Variants in KIAA1328 observed in about 807,000 individuals in gnomAD.
KIAA1328 encodes the protein protein hinderin.
In KIAA1328, 52 loss-of-function variants were observed where a neutral mutation model predicts 68.1. That is an observed-to-expected ratio of 0.76 (90% CI 0.61 to 0.96). KIAA1328 has a LOEUF of 0.96. Among genes scored for constraint, KIAA1328 ranks in the 40% least tolerant of loss-of-function variants. The pLI, the probability that KIAA1328 is intolerant of heterozygous loss-of-function variation, is 0.00. For missense variants in KIAA1328, 641 were observed against 677.6 expected (o/e 0.95, Z 0.60); for synonymous variants, 232 against 239.4 (o/e 0.97, Z 0.28).
intron 6 of KIAA1328, among the ~76,000 whole-genome samples, chr18:36,965,296 A>G (rs973264545): frequency 6.6e-6 from 1 of 151,828 alleles, no homozygotes; most frequent in Non-Finnish European, 1.5e-5. Flanking sequence ...TACTTGTTCC[A>G]TATTTCTTAG....
intron 7 of KIAA1328, among the ~76,000 whole-genome samples, chr18:37,113,438 CT>C (rs1259434821): frequency 6.6e-6 from 1 of 152,152 alleles, no homozygotes; most frequent in East Asian, 1.9e-4. Flanking sequence ...AAATAAAATC[CT>C]TTACAGACAA....
chr18:37,106,519 A>G (rs1023656793), intron 7 of KIAA1328, among the ~76,000 whole-genome samples: 1 of 151,946 alleles, frequency 6.6e-6, no homozygotes, highest in African/African-American at 2.4e-5. Flanking sequence ...CTCAAGTTCA[A>G]GCAGTTCTCC....
chr18:36,837,464 CT>C (rs1434761683), intron 3 of KIAA1328, among the ~76,000 whole-genome samples: 2 of 152,122 alleles, frequency 1.3e-5, no homozygotes, highest in Non-Finnish European at 2.9e-5. Flanking sequence ...GTTATGAGTT[CT>C]TTCTAAATTC....
chr18:36,873,978 G>T (rs1056880087), intron 4 of KIAA1328, among the ~76,000 whole-genome samples: 2 of 152,110 alleles, frequency 1.3e-5, no homozygotes, highest in African/African-American at 4.8e-5. Context: ...GAGAATGATG[G>T]TTTCCAGCTT....
chr18:37,172,274 T>C (rs968059435), intron 8 of KIAA1328, among the ~76,000 whole-genome samples: 1 of 152,220 alleles, frequency 6.6e-6, no homozygotes, highest in Non-Finnish European at 1.5e-5. Flanking sequence ...TATAGCTATA[T>C]TTTATGTTGT....
At chr18:36,974,378 C>A (rs1039376147) in intron 6 of KIAA1328, among the ~76,000 whole-genome samples, 2 of 152,146 alleles carry the variant, frequency 1.3e-5, no homozygotes, top group African/African-American at 4.8e-5. Context: ...ATCTAGCTCT[C>A]ATTTCTAAGT....
intron 7 of KIAA1328, among the ~76,000 whole-genome samples, chr18:37,088,552 C>T (rs1373271874): frequency 4.0e-5 from 6 of 151,772 alleles, no homozygotes; most frequent in African/African-American, 1.5e-4. Flanking sequence ...TTCTTTAGTT[C>T]ATACGTATTT....
chr18:36,972,042 G>T (rs1003353461), intron 6 of KIAA1328, among the ~76,000 whole-genome samples: 3 of 152,186 alleles, frequency 2.0e-5, no homozygotes, highest in Non-Finnish European at 4.4e-5. Context: ...CAGTATTCAT[G>T]ACAGTACAGT....
intron 5 of KIAA1328, chr18:36,923,719 A>G (rs1251038469): frequency 5.3e-5 from 8 of 152,236 alleles, no homozygotes; most frequent in Admixed American, 1.3e-4. Context: ...ACCACTAGCT[A>G]TATGTGACAA....
intron 5 of KIAA1328, among the ~76,000 whole-genome samples, chr18:36,905,238 A>C (rs754497962): frequency 5.3e-5 from 8 of 151,808 alleles, no homozygotes; most frequent in Non-Finnish European, 8.8e-5. Flanking sequence ...CAGCCTCCCA[A>C]ATAGCTGGGA....
At position 36,959,449 on chromosome 18, in the gene KIAA1328, A is replaced by T. The variant is rs774775228; in HGVS notation, c.576+14A>T. On this transcript the variant is annotated intron_variant, in intron 6 of 9. Transcript: ENST00000280020. ...CAGGAACAGCAGGTAAGCATCTTTA[A>T]TTTTACTTTTCTTGTCTTCAGTGGA... 6.9e-6 allele frequency: 11 copies of T among 1,602,258 alleles called. No homozygotes were observed. The South Asian group carries it at 1.3e-4, about 18-fold the overall frequency.
At chr18:36,832,967 G>A (rs993075472) in intron 1 of KIAA1328, 6 of 151,548 alleles carry the variant, frequency 4.0e-5, no homozygotes, top group Non-Finnish European at 8.8e-5. Context: ...CTCTGGAGTA[G>A]CTGGGACTAC....
At chr18:36,920,583 T>A (rs762682490) in intron 5 of KIAA1328, among the ~76,000 whole-genome samples, 14 of 152,340 alleles carry the variant, frequency 9.2e-5, no homozygotes, top group East Asian at 1.9e-4. Context: ...TAAAGCTTTA[T>A]TAGAATGTGT....
chr18:36,832,072 A>G (rs1210429410), intron 1 of KIAA1328, among the ~76,000 whole-genome samples: 2 of 152,204 alleles, frequency 1.3e-5, no homozygotes, highest in Non-Finnish European at 2.9e-5. Flanking sequence ...TTGGTATATA[A>G]TGTGTCTGTT....
At chr18:37,086,377 C>T (rs1332957190) in intron 7 of KIAA1328, among the ~76,000 whole-genome samples, 1 of 152,172 alleles carries the variant, frequency 6.6e-6, no homozygotes, top group African/African-American at 2.4e-5. Context: ...TTACAATTTA[C>T]AAGATATCCC....
At chr18:36,967,944 C>T (rs2052011493) in intron 6 of KIAA1328, among the ~76,000 whole-genome samples, 1 of 152,056 alleles carries the variant, frequency 6.6e-6, no homozygotes, top group Non-Finnish European at 1.5e-5. Flanking sequence ...CGTAAAGAGA[C>T]CAAATCTATG....
chr18:37,083,903 A>G (rs2057022728), intron 7 of KIAA1328, among the ~76,000 whole-genome samples: 1 of 152,202 alleles, frequency 6.6e-6, no homozygotes, highest in South Asian at 2.1e-4. Flanking sequence ...TATTCTAACC[A>G]ACTTAATCTT....
chr18:37,116,104 C>G (rs1392760418), intron 7 of KIAA1328, among the ~76,000 whole-genome samples: 1 of 151,946 alleles, frequency 6.6e-6, no homozygotes, highest in Non-Finnish European at 1.5e-5. Context: ...TTTATAGATT[C>G]AATGCCATCC....
chr18:37,054,125 A>C (rs1181881675), intron 6 of KIAA1328, among the ~76,000 whole-genome samples: 1 of 152,196 alleles, frequency 6.6e-6, no homozygotes, highest in Non-Finnish European at 1.5e-5. Flanking sequence ...CATCAGTCAA[A>C]ATGGCTATTA....
Sources: gnomAD v4.1 joint callset for allele counts (sites outside exome capture counted in the v4.1 genomes callset) on GRCh38, gnomAD v4.1.1 for gene constraint, MANE v1.5 for transcripts, NCBI Gene and HGNC (gene_info 2026-07-23, HGNC 2026-07-21) for gene names.